The following NRXN3 variants were observed in gnomAD, a reference collection of about 807,000 sequenced individuals.
NRXN3 encodes neurexin III.
Under a neutral mutation model 137.6 loss-of-function variants are expected in NRXN3, and 32 were observed. The observed-to-expected ratio is 0.23, with a 90% confidence interval of 0.18 to 0.31. The LOEUF is 0.31. NRXN3 is among the 10% of genes least tolerant of loss of function. The pLI is 1.00. For synonymous variants in NRXN3, 798 were observed against 784.5 expected, an observed-to-expected ratio of 1.02 and a Z score of -0.29; for missense variants, 1,574 against 2,062.5, an observed-to-expected ratio of 0.76 and a Z score of 4.59.
rs1412256033 is a variant in NRXN3 at position 79,049,074 on chromosome 14, A to G, written c.3262+60933A>G. Among the ~76,000 whole-genome samples the G allele has an allele frequency of 6.8e-4, 16 of 23,440 alleles. No individual in the cohort carries two copies. The East Asian group carries it at 0.022, about 32-fold the overall frequency. The allele number at this position is 23,440 out of a possible 152,430, so 15.4% of individuals were successfully genotyped here. A position where few individuals can be genotyped will look rare whatever the true frequency, so the allele number is the denominator to read the frequency against. The stretch of plus-strand genomic sequence containing the variant: ...AAAAAAAAAAAAAAAAAAAAAAAAA[A>G]TAATAATAATAATAATAATAATATG... On this transcript the variant is annotated intron_variant, in intron 15 of 20. Transcript: ENST00000335750.
intron 4 of NRXN3, among the ~76,000 whole-genome samples, chr14:78,514,530 C>T (rs2096171274): frequency 6.6e-6 from 1 of 152,034 alleles, no homozygotes; most frequent in Non-Finnish European, 1.5e-5. Flanking sequence ...TGGTTTCTGA[C>T]TGACAGTTTA....
intron 16 of NRXN3, among the ~76,000 whole-genome samples, chr14:79,614,802 A>C (rs1317957825): frequency 6.6e-6 from 1 of 152,208 alleles, no homozygotes; most frequent in Non-Finnish European, 1.5e-5. Flanking sequence ...ATCTACTCAC[A>C]TGACTCTTTC....
At chr14:79,740,768 A>ATG (rs2098960456) in intron 19 of NRXN3, among the ~76,000 whole-genome samples, 1 of 107,252 alleles carries the variant, frequency 9.3e-6, no homozygotes, top group Non-Finnish European at 1.9e-5. Context: ...ATATATATAT[A>ATG]ACCTTACTTC....
At chr14:79,617,351 C>T (rs1192250618) in intron 16 of NRXN3, among the ~76,000 whole-genome samples, 2 of 146,678 alleles carry the variant, frequency 1.4e-5, no homozygotes, top group African/African-American at 2.4e-5. Context: ...CAAAAGTGGG[C>T]ATCAATACAC....
intron 15 of NRXN3, among the ~76,000 whole-genome samples, chr14:79,444,408 G>A (rs185607195): frequency 5.9e-5 from 9 of 152,234 alleles, no homozygotes; most frequent in African/African-American, 2.2e-4. Flanking sequence ...CGACTGCTTC[G>A]GATTTGTCGC....
intron 15 of NRXN3, among the ~76,000 whole-genome samples, chr14:79,328,298 T>G (rs183475894): frequency 1.3e-5 from 2 of 152,306 alleles, no homozygotes; most frequent in East Asian, 3.9e-4. Context: ...TAAAAGGCTG[T>G]TAAGGAGGAG....
intron 4 of NRXN3, among the ~76,000 whole-genome samples, chr14:78,587,341 A>T (rs900294005): frequency 6.6e-6 from 1 of 152,222 alleles, no homozygotes; most frequent in South Asian, 2.1e-4. Flanking sequence ...TATCAGCATC[A>T]TCTAGAAACT....
chr14:78,980,570 C>T (rs1309338140), intron 14 of NRXN3, among the ~76,000 whole-genome samples: 4 of 152,068 alleles, frequency 2.6e-5, no homozygotes, highest in South Asian at 4.1e-4. Flanking sequence ...TCAGTGTACA[C>T]GTGCTGTAAG....
chr14:79,633,792 C>G (rs762536226), intron 16 of NRXN3, among the ~76,000 whole-genome samples: 5 of 152,150 alleles, frequency 3.3e-5, no homozygotes, highest in Non-Finnish European at 7.3e-5. Context: ...CTTCTTGCCT[C>G]CTGGAAAGAT....
chr14:78,414,739 G>A (rs1472754956), intron 4 of NRXN3, among the ~76,000 whole-genome samples: 1 of 152,046 alleles, frequency 6.6e-6, no homozygotes, highest in African/African-American at 2.4e-5. Context: ...AAAACAGTTT[G>A]CGTCAAAGTA....
At chr14:79,089,357 G>T (rs1018997776) in intron 15 of NRXN3, among the ~76,000 whole-genome samples, 2 of 152,218 alleles carry the variant, frequency 1.3e-5, no homozygotes, top group East Asian at 3.9e-4. Context: ...TGGTAAGAAG[G>T]TTGTTTGCTT....
At chr14:79,623,854 T>TTG (rs2098251852) in intron 16 of NRXN3, among the ~76,000 whole-genome samples, 2 of 150,846 alleles carry the variant, frequency 1.3e-5, no homozygotes, top group African/African-American at 4.9e-5. Context: ...CTCCTGTTTT[T>TTG]TTTTTTTTTT....
At chr14:78,833,104 A>G (rs1344743358) in intron 10 of NRXN3, among the ~76,000 whole-genome samples, 1 of 152,186 alleles carries the variant, frequency 6.6e-6, no homozygotes, top group Non-Finnish European at 1.5e-5. Context: ...CAAGTTAGTC[A>G]TGGCTGTGCC....
intron 15 of NRXN3, among the ~76,000 whole-genome samples, chr14:79,138,633 G>A (rs1313702649): frequency 1.3e-5 from 2 of 152,172 alleles, no homozygotes; most frequent in South Asian, 2.1e-4. Flanking sequence ...TAAATTATCA[G>A]ACAAAATTAT....
intron 15 of NRXN3, among the ~76,000 whole-genome samples, chr14:79,389,876 G>A (rs1293379925): frequency 6.6e-6 from 1 of 152,146 alleles, no homozygotes; most frequent in Non-Finnish European, 1.5e-5. Flanking sequence ...GATTTGGAAG[G>A]AAAATATGAG....
intron 20 of NRXN3, among the ~76,000 whole-genome samples, chr14:79,828,151 A>G (rs1391533119): frequency 6.6e-6 from 1 of 152,158 alleles, no homozygotes; most frequent in African/African-American, 2.4e-5. Context: ...CAAATATTCC[A>G]AACTATATCA....
chr14:78,411,639 TG>T (rs1026040381), intron 4 of NRXN3, among the ~76,000 whole-genome samples: 2 of 152,220 alleles, frequency 1.3e-5, no homozygotes, highest in African/African-American at 4.8e-5. Flanking sequence ...TGGCTGTCTC[TG>T]GAAGGGTATA....
At chr14:79,559,115 C>T (rs11847465) in intron 16 of NRXN3, among the ~76,000 whole-genome samples, 2,840 of 152,212 alleles carry the variant, frequency 0.019, 97 homozygotes, top group African/African-American at 0.066. Flanking sequence ...GTCCAGACAA[C>T]TAAAACTTTC....
At chr14:78,424,476 A>G (rs2093583485) in intron 4 of NRXN3, among the ~76,000 whole-genome samples, 1 of 152,192 alleles carries the variant, frequency 6.6e-6, no homozygotes, top group Non-Finnish European at 1.5e-5. Flanking sequence ...AGTTCCTGTC[A>G]TCGTCCCACT....
Sources: allele counts gnomAD v4.1 joint callset (sites outside exome capture counted in the v4.1 genomes callset), GRCh38; gene constraint gnomAD v4.1.1; transcripts MANE v1.5; gene names NCBI Gene and HGNC (gene_info 2026-07-23, HGNC 2026-07-21).